The following RAP1A variants were observed in gnomAD, a reference collection of about 807,000 sequenced individuals.
RAP1A encodes the protein RAP1A, member of RAS oncogene family.
RAP1A carries 6 observed loss-of-function variants against 26.4 expected under a neutral mutation model. That is an observed-to-expected ratio of 0.23 (90% CI 0.12 to 0.45). RAP1A has a LOEUF of 0.45. Among genes scored for constraint, RAP1A ranks in the 20% least tolerant of loss-of-function variants. The probability of loss-of-function intolerance (pLI) is 0.99; values close to 1 mark genes in which losing one functional copy is unlikely to be tolerated. For missense variants in RAP1A, 121 were observed against 217.2 expected, an observed-to-expected ratio of 0.56 and a Z score of 2.78; for synonymous variants, 73 against 79.4, an observed-to-expected ratio of 0.92 and a Z score of 0.43.
chr1:111,573,919 T>A (rs149211018), intron 1 of RAP1A, among the ~76,000 whole-genome samples: 13 of 152,340 alleles, frequency 8.5e-5, no homozygotes, highest in African/African-American at 2.9e-4. Flanking sequence ...CTGTTTACTC[T>A]GTTGATAGTA....
chr1:111,583,833 A>G (rs1385524167), intron 1 of RAP1A, among the ~76,000 whole-genome samples: 1 of 151,922 alleles, frequency 6.6e-6, no homozygotes, highest in East Asian at 1.9e-4. Flanking sequence ...ATAATGTTGA[A>G]TAAGCAAAAC....
chr1:111,631,586 C>T (rs955502017), intron 1 of RAP1A, among the ~76,000 whole-genome samples: 3 of 152,008 alleles, frequency 2.0e-5, no homozygotes, highest in African/African-American at 7.3e-5. Context: ...TAGTAAACTT[C>T]CAGAAGAAGG....
intron 1 of RAP1A, among the ~76,000 whole-genome samples, chr1:111,638,128 G>A (rs1262638457): frequency 6.6e-6 from 1 of 151,720 alleles, no homozygotes; most frequent in East Asian, 1.9e-4. Flanking sequence ...TCTTAAAAAA[G>A]AAAAATATAT....
intron 1 of RAP1A, among the ~76,000 whole-genome samples, chr1:111,592,278 A>C (rs1001145481): frequency 6.6e-6 from 1 of 152,202 alleles, no homozygotes; most frequent in African/African-American, 2.4e-5. Flanking sequence ...TAATTTCTAA[A>C]CAATAACATT....
chr1:111,703,645 A>C (rs1662092525), intron 5 of RAP1A, among the ~76,000 whole-genome samples, 169 bp downstream of exon 5: 1 of 152,176 alleles, frequency 6.6e-6, no homozygotes, highest in South Asian at 2.1e-4. Context: ...CCTCAAAATT[A>C]TGTGGTGAGA....
intron 1 of RAP1A, among the ~76,000 whole-genome samples, chr1:111,568,295 G>C (rs1255783623): frequency 7.2e-5 from 11 of 152,192 alleles, no homozygotes. Context: ...TCAGCTTCTA[G>C]TGAGGCCTCA....
chr1:111,649,119 A>G (rs1660174930), intron 1 of RAP1A: 4 of 590,424 alleles, frequency 6.8e-6, no homozygotes, highest in South Asian at 4.1e-5. Flanking sequence ...GGCATTGTCA[A>G]TCTGCAGAAC....
At chr1:111,668,448 C>T (rs926156023) in intron 1 of RAP1A, among the ~76,000 whole-genome samples, 4 of 152,104 alleles carry the variant, frequency 2.6e-5, no homozygotes, top group Admixed American at 2.0e-4. Flanking sequence ...TGTAGTGCTT[C>T]CTATGAACCT....
chr1:111,650,404 A>G (rs1013009523), intron 1 of RAP1A: 2 of 152,216 alleles, frequency 1.3e-5, no homozygotes, highest in African/African-American at 2.4e-5. Flanking sequence ...CCAGAAAAGT[A>G]TGCCATTTAA....
chr1:111,547,204 A>T (rs904856506), intron 1 of RAP1A, among the ~76,000 whole-genome samples: 4 of 152,124 alleles, frequency 2.6e-5, no homozygotes, highest in Non-Finnish European at 5.9e-5. Context: ...ACCTTTCACC[A>T]TTAAGTATAA....
chr1:111,543,603 G>GAGGAGGAGGAAGAGAAGGAGGAAT lies in RAP1A; in HGVS notation c.-28+1132_-28+1155dup, dbSNP rs11270926. On this transcript the variant is annotated intron_variant, in intron 1 of 7. Transcript: ENST00000356415. Reference sequence around the variant, plus strand: ...AAAAGATTAGGCCCTCTGTCTTAAGGAGGAGGAGGAAGAGAAGGAGGAATA... The same window carrying GAGGAGGAGGAAGAGAAGGAGGAAT: ...AAAAGATTAGGCCCTCTGTCTTAAGGAGGAGGAGGAAGAGAAGGAGGAATAGGAGGAGGAAGAGAAGGAGGAATA... Among the ~76,000 whole-genome samples, 5 of 146,100 alleles carry GAGGAGGAGGAAGAGAAGGAGGAAT rather than the reference G, an allele frequency of 3.4e-5. No individual in the cohort carries two copies. In the East Asian group the frequency reaches 1.0e-3, roughly 29 times the overall value.
intron 1 of RAP1A, among the ~76,000 whole-genome samples, chr1:111,630,392 A>G (rs1322218256): frequency 6.6e-6 from 1 of 152,192 alleles, no homozygotes; most frequent in Non-Finnish European, 1.5e-5. Flanking sequence ...TTATTGAGTG[A>G]TTATTGAGTG....
At chr1:111,554,902 CA>C (rs1238381357) in intron 1 of RAP1A, among the ~76,000 whole-genome samples, 2 of 151,902 alleles carry the variant, frequency 1.3e-5, no homozygotes, top group Non-Finnish European at 2.9e-5. Context: ...CACAAGGAAA[CA>C]AAATTCCCTG....
intron 1 of RAP1A, among the ~76,000 whole-genome samples, chr1:111,634,126 G>A (rs905141799): frequency 5.3e-5 from 8 of 152,184 alleles, no homozygotes; most frequent in African/African-American, 1.9e-4. Flanking sequence ...AGATGGACAT[G>A]TGAAGTTTTT....
intron 1 of RAP1A, among the ~76,000 whole-genome samples, chr1:111,545,609 C>G (rs1657007537): frequency 6.6e-6 from 1 of 152,084 alleles, no homozygotes; most frequent in Non-Finnish European, 1.5e-5. Flanking sequence ...CTTTGGTGCA[C>G]TAAAGTTTTT....
At position 111,583,913 on chromosome 1, in the gene RAP1A, C is replaced by T. The variant is rs547838953; in HGVS notation, c.-28+41404C>T. Among the ~76,000 whole-genome samples, 10 of 131,188 alleles carry T rather than the reference C, an allele frequency of 7.6e-5. No homozygotes were observed. The East Asian group carries it at 2.5e-3, about 32-fold the overall frequency. The allele number at this position is 131,188 out of a possible 152,430, so 86.1% of individuals were successfully genotyped here. On this transcript the variant is annotated intron_variant, in intron 1 of 7. Transcript: ENST00000356415. ...TTTTTTTTTTTGAGACAGAGTCTCA[C>T]TCTGTTGCCCAGGCTGGAGTGCAGT...
chr1:111,566,761 A>G (rs147936587), intron 1 of RAP1A, among the ~76,000 whole-genome samples: 1 of 152,152 alleles, frequency 6.6e-6, no homozygotes, highest in Non-Finnish European at 1.5e-5. Context: ...TTCTCCTCCA[A>G]TGGCAAACAG....
At chr1:111,681,242 C>T (rs765298518) in intron 1 of RAP1A, among the ~76,000 whole-genome samples, 2 of 152,110 alleles carry the variant, frequency 1.3e-5, no homozygotes, top group African/African-American at 2.4e-5. Flanking sequence ...AGTGAAACTC[C>T]GTCTCAGGGG....
chr1:111,701,396 T>A (rs189614563), intron 4 of RAP1A, among the ~76,000 whole-genome samples: 2 of 152,322 alleles, frequency 1.3e-5, no homozygotes, highest in South Asian at 4.1e-4. Flanking sequence ...CTGAGCATAG[T>A]CTTTTAAAAT....
Sources: allele counts gnomAD v4.1 joint callset (sites outside exome capture counted in the v4.1 genomes callset), GRCh38; gene constraint gnomAD v4.1.1; transcripts MANE v1.5; gene names NCBI Gene and HGNC (gene_info 2026-07-23, HGNC 2026-07-21).